The following IL23R variants were observed in gnomAD, a reference collection of about 807,000 sequenced individuals.
The protein encoded by IL23R is interleukin 23 receptor.
A neutral mutation model predicts 56.9 loss-of-function variants in IL23R; 34 were observed. The observed-to-expected ratio is 0.60, with a 90% CI of 0.45 to 0.80. The LOEUF is 0.80. Ranked by LOEUF, IL23R falls within the 30% of genes least tolerant of loss-of-function variation. The pLI, the probability that IL23R is intolerant of heterozygous loss-of-function variation, is 0.00. For missense variants in IL23R, 635 were observed against 730.0 expected (o/e 0.87, Z 1.50); for synonymous variants, 230 against 249.2 (o/e 0.92, Z 0.73).
chr1:67,153,962 G>T (rs1048535293), intron 1 of IL23R, among the ~76,000 whole-genome samples: 2 of 152,084 alleles, frequency 1.3e-5, no homozygotes, highest in Non-Finnish European at 2.9e-5. Context: ...TGGAGACAGG[G>T]TTTCACCATG....
intron 6 of IL23R, among the ~76,000 whole-genome samples, chr1:67,215,227 A>G (rs1318860789): frequency 1.3e-5 from 2 of 152,180 alleles, no homozygotes; most frequent in African/African-American, 4.8e-5. Context: ...CTGCTACACA[A>G]TAATGTGTAA....
chr1:67,159,759 T>G (rs1225330339), intron 1 of IL23R, among the ~76,000 whole-genome samples: 1 of 152,224 alleles, frequency 6.6e-6, no homozygotes, highest in Non-Finnish European at 1.5e-5. Flanking sequence ...AATAGCCATA[T>G]GCTTATTTTA....
At chr1:67,186,969 T>G (rs530364232) in intron 4 of IL23R, among the ~76,000 whole-genome samples, 2 of 152,310 alleles carry the variant, frequency 1.3e-5, no homozygotes, top group South Asian at 2.1e-4. Flanking sequence ...CACATTTTAT[T>G]TATTTATTCC....
intron 4 of IL23R, among the ~76,000 whole-genome samples, chr1:67,193,078 C>T (rs1647868597): frequency 6.6e-6 from 1 of 152,156 alleles, no homozygotes; most frequent in Non-Finnish European, 1.5e-5. Flanking sequence ...TCACTGACCT[C>T]CTTGCTGCTC....
chr1:67,238,949 G>A (rs1651678243), intron 8 of IL23R, among the ~76,000 whole-genome samples: 1 of 152,166 alleles, frequency 6.6e-6, no homozygotes, highest in Non-Finnish European at 1.5e-5. Context: ...CCCGGTATGT[G>A]AAATAACTAG....
chr1:67,203,461 T>C (rs2102628354), intron 5 of IL23R, among the ~76,000 whole-genome samples: 1 of 151,958 alleles, frequency 6.6e-6, no homozygotes, highest in East Asian at 1.9e-4. Context: ...TTCCTTTTCC[T>C]TCTTCTCCTT....
rs771938488 is a variant in IL23R, at chr1:67,182,860, T to C, written c.392T>C (p.Val131Ala). ...SGYPPDIPDE[V>A]TCVIYEYSGN... ...GATCCGCCAGATATTCCTGATGAAGTAACCTGTGTCATTTATGAATATTCA... is the reference window on the plus strand; with the variant it reads ...GATCCGCCAGATATTCCTGATGAAGCAACCTGTGTCATTTATGAATATTCA... The change falls in exon 4 of 11, where the codon GTA (valine) becomes GCA (alanine). Residue 131 changes from valine (V) to alanine (A), a missense_variant. By Grantham distance (64) the Val-to-Ala change is moderately conservative. Transcript: ENST00000347310. 9.3e-6 allele frequency: 15 copies of C among 1,614,098 alleles called. No individual in the cohort carries two copies. The highest frequency in any genetic ancestry group is 2.2e-5 in the South Asian group (2 of 91,080).
rs574344110 is a variant in IL23R, at chr1:67,204,152, C to T, written c.653-2758C>T. On this transcript the variant is annotated intron_variant, in intron 5 of 10. Coordinates refer to ENST00000347310, the MANE Select transcript of IL23R (RefSeq NM_144701.3). ...GATCTCGGCTCACTGCAAGCTCCGC[C>T]TTCCGGGTTCACGCCATTCTCCTGC... Among the ~76,000 whole-genome samples, 6 of 152,186 alleles carry T rather than the reference C, an allele frequency of 3.9e-5. No homozygotes were observed. In the South Asian group the frequency reaches 1.2e-3, roughly 32 times the overall value.
chr1:67,212,327 A>G (rs960426651), intron 6 of IL23R, among the ~76,000 whole-genome samples: 4 of 152,206 alleles, frequency 2.6e-5, no homozygotes, highest in Non-Finnish European at 4.4e-5. Context: ...TTGTCTCTGC[A>G]TGTCTGTAGG....
chr1:67,228,789 T>C (rs1360073808), intron 7 of IL23R, among the ~76,000 whole-genome samples: 1 of 152,152 alleles, frequency 6.6e-6, no homozygotes, highest in Non-Finnish European at 1.5e-5. Context: ...GCCAGAAGCA[T>C]AGCATCTTCC....
At chr1:67,200,443 G>A (rs1159071190) in intron 4 of IL23R, among the ~76,000 whole-genome samples, 1 of 150,310 alleles carries the variant, frequency 6.7e-6, no homozygotes, top group African/African-American at 2.5e-5. Context: ...GCCCAGGCTG[G>A]AGTGAATGGC....
At chr1:67,222,102 C>CTTTCTTTTTTTTTTTTTTTTTTTT (rs1440089182) in intron 7 of IL23R, among the ~76,000 whole-genome samples, 2 of 58,900 alleles carry the variant, frequency 3.4e-5, no homozygotes, top group African/African-American at 1.3e-4. Flanking sequence ...TTCTTTCTTT[C>CTTTCTTTTTTTTTTTTTTTTTTTT]TTTTTTTTTT....
intron 1 of IL23R, 148 bp from the exon 2 acceptor site, chr1:67,167,944 C>T (rs1646893270): frequency 2.8e-4 from 159 of 560,308 alleles, no homozygotes; most frequent in South Asian, 8.3e-4. Flanking sequence ...GCTCTGTTTC[C>T]TTCCTTCCTT....
intron 1 of IL23R, among the ~76,000 whole-genome samples, chr1:67,146,503 T>A (rs1448780432): frequency 1.3e-5 from 2 of 152,176 alleles, no homozygotes; most frequent in African/African-American, 4.8e-5. Flanking sequence ...GACTCAGGCC[T>A]GAATTGATGG....
At chr1:67,158,791 G>T (rs1646792021) in intron 1 of IL23R, among the ~76,000 whole-genome samples, 1 of 151,980 alleles carries the variant, frequency 6.6e-6, no homozygotes, top group Admixed American at 6.5e-5. Flanking sequence ...TGAAATTGGA[G>T]GAGGGGCCTG....
chr1:67,220,875 A>C (rs968654684), intron 7 of IL23R, among the ~76,000 whole-genome samples: 3 of 152,172 alleles, frequency 2.0e-5, no homozygotes, highest in Non-Finnish European at 2.9e-5. Context: ...AGTGGCTCAG[A>C]CTACAGATGC....
At chr1:67,255,718 C>T in intron 9 of IL23R, 119 bp from the exon 10 acceptor site, 1 of 614,958 alleles carries the variant, frequency 1.6e-6, no homozygotes, top group Non-Finnish European at 3.0e-6. Flanking sequence ...GGATTACAGG[C>T]ATGAGCCACT....
At chr1:67,202,810 A>T (rs1570838818) in intron 5 of IL23R, among the ~76,000 whole-genome samples, 1 of 151,936 alleles carries the variant, frequency 6.6e-6, no homozygotes, top group Non-Finnish European at 1.5e-5. Context: ...CTGTGGCTCA[A>T]GCGATCCTCC....
chr1:67,205,881 TTCTTTCTTTCTTTC>T (rs1351109579), intron 5 of IL23R, among the ~76,000 whole-genome samples: 2 of 35,560 alleles, frequency 5.6e-5, no homozygotes, highest in East Asian at 2.1e-3. Flanking sequence ...CCATCTTTCT[TTCTTTCTTTCTTTC>T]TTTCTTTCTT....
Sources: allele counts gnomAD v4.1 joint callset (sites outside exome capture counted in the v4.1 genomes callset), GRCh38; gene constraint gnomAD v4.1.1; transcripts MANE v1.5; gene names NCBI Gene and HGNC (gene_info 2026-07-23, HGNC 2026-07-21).